LMAN2: variants seen among roughly 807,000 people sequenced by gnomAD.
LMAN2 encodes the protein vesicular integral-membrane protein VIP36.
A neutral mutation model predicts 39.3 loss-of-function variants in LMAN2; 22 were observed. The ratio of observed to expected loss-of-function variants is 0.56; its 90% CI spans 0.40 to 0.80. The LOEUF is 0.80. Ranked by LOEUF, LMAN2 falls within the 30% of genes least tolerant of loss-of-function variation. The pLI is 0.00. For missense variants in LMAN2, 494 were observed against 505.4 expected, an observed-to-expected ratio of 0.98 and a Z score of 0.22; for synonymous variants, 207 against 207.8, an observed-to-expected ratio of 1.00 and a Z score of 0.03.
intron 2 of LMAN2, among the ~76,000 whole-genome samples, chr5:177,339,517 C>T (rs1761522892): frequency 6.6e-6 from 1 of 152,206 alleles, no homozygotes; most frequent in African/African-American, 2.4e-5. Context: ...CAGGAAGTCG[C>T]TTGTGAAAAC....
chr5:177,345,627 C>T (rs1290298438), intron 2 of LMAN2, among the ~76,000 whole-genome samples: 6 of 152,096 alleles, frequency 3.9e-5, no homozygotes, highest in Admixed American at 3.9e-4. Context: ...GAAGACAGGG[C>T]CACAGGCGCT....
chr5:177,334,496 C>T, intron 6 of LMAN2, 93 bp from the exon 7 acceptor site: 1 of 1,506,638 alleles, frequency 6.6e-7, no homozygotes, highest in Non-Finnish European at 8.9e-7. Context: ...GCTGCTGCAG[C>T]CAGTAAACCT....
chr5:177,351,099 G>A (rs773734329), intron 2 of LMAN2, 74 bp downstream of exon 2: 44 of 1,299,646 alleles, frequency 3.4e-5, no homozygotes, highest in Non-Finnish European at 4.5e-5. Flanking sequence ...AACGAAGCTG[G>A]GGTCTCAGCT....
In LMAN2 at chr5:177,337,964, T is replaced by G. The variant is rs951362169; in HGVS notation, c.434-179A>C. On this transcript the variant is annotated intron_variant, in intron 3 of 7. Transcript: ENST00000303127. The surrounding 1 kb of genome is among the most constrained non-coding windows in gnomAD (Gnocchi z 8.2). Reference sequence around the variant, plus strand: ...AGGCTTTCTCCTCAGAAGTGGGGGGTCTAGGCATATGACACAGAGGACTCA... The same window carrying G: ...AGGCTTTCTCCTCAGAAGTGGGGGGGCTAGGCATATGACACAGAGGACTCA... Among the ~76,000 whole-genome samples the G allele has an allele frequency of 6.8e-6, 1 of 146,344 alleles. No individual in the cohort carries two copies. Among genetic ancestry groups the G allele is most frequent in the Admixed American group, 7.0e-5 (1 of 14,306 alleles).
At chr5:177,351,330 C>A in intron 1 of LMAN2, 39 bp from the exon 2 acceptor site, 1 of 1,608,404 alleles carries the variant, frequency 6.2e-7, no homozygotes, top group South Asian at 1.1e-5. Context: ...CACGCCAGGA[C>A]TGGCCTCACC....
intron 2 of LMAN2, among the ~76,000 whole-genome samples, chr5:177,348,457 T>C (rs1455447044): frequency 6.6e-6 from 1 of 151,804 alleles, no homozygotes; most frequent in Non-Finnish European, 1.5e-5. Flanking sequence ...GAGGCCGAGG[T>C]GGGCAGATCA....
Position 177,351,630 on chromosome 5 carries a change from C to G in LMAN2, c.18G>C (p.Trp6Cys). 1 of 1,594,490 alleles carries G rather than the reference C, an allele frequency of 6.3e-7. No individual in the cohort carries two copies. Among genetic ancestry groups the G allele is most frequent in the Non-Finnish European group, 8.5e-7 (1 of 1,172,884 alleles). Residue 6 changes from tryptophan to cysteine, a missense_variant, in exon 1 of 8, where the codon TGG becomes TGC. Trp to Cys is a radical substitution (Grantham distance 215). Transcript: ENST00000303127. The part of the protein sequence containing the change: MAAEG[W>C]IWRWGWGRRC... ...GCCGGCCCCAGCCCCAACGCCAAAT[C>G]CAGCCTTCCGCCGCCATTCTCCTCT...
At chr5:177,339,805 T>C (rs906744666) in intron 2 of LMAN2, among the ~76,000 whole-genome samples, 2 of 152,136 alleles carry the variant, frequency 1.3e-5, no homozygotes, top group Admixed American at 6.5e-5. Flanking sequence ...TAATGTATAA[T>C]AAACATATTA....
chr5:177,345,528 G>A (rs1338384228), intron 2 of LMAN2, among the ~76,000 whole-genome samples: 1 of 151,818 alleles, frequency 6.6e-6, no homozygotes, highest in African/African-American at 2.4e-5. Flanking sequence ...AAGAGAAAAC[G>A]CTAAAACATA....
Position 177,337,692 on chromosome 5 carries a change from G to C in LMAN2, c.513+14C>G, listed in dbSNP as rs1040264839. The C allele has an allele frequency of 1.2e-6, 2 of 1,613,618 alleles. No homozygotes were observed. The highest frequency in any genetic ancestry group is 1.1e-5 in the South Asian group (1 of 91,014). On this transcript the variant is annotated intron_variant, in intron 4 of 7. Transcript: ENST00000303127. This position sits in a 1 kb window ranked among gnomAD's most constrained non-coding sequence, Gnocchi z 8.2. ...CCTTCCTTTCCTGCTCAGCAGGATA[G>C]AGCAGGGGCCTACCTCAGTGGTCTC...
At chr5:177,334,078 C>T (rs1402490425) in intron 7 of LMAN2, among the ~76,000 whole-genome samples, 3 of 152,282 alleles carry the variant, frequency 2.0e-5, no homozygotes, top group African/African-American at 7.2e-5. Context: ...TACTCAAAAA[C>T]TTGCCAGAGC....
In LMAN2 at chr5:177,342,276, T is replaced by C. The variant is rs544731736; in HGVS notation, c.316-3671A>G. The stretch of plus-strand genomic sequence containing the variant: ...GTCCCAGCACCTTGGGAGGCCATCA[T>C]GGGAGGTTTGCTTGAGCCAAGGAGT... On this transcript the variant is annotated intron_variant, in intron 2 of 7. Coordinates refer to ENST00000303127, the MANE Select transcript of LMAN2 (RefSeq NM_006816.3). Among the ~76,000 whole-genome samples, 40 of 152,034 alleles carry C rather than the reference T, an allele frequency of 2.6e-4. 1 individual carries two copies. The South Asian group carries it at 8.1e-3, about 31-fold the overall frequency.
Position 177,351,269 on chromosome 5 carries a change from G to GGGC in LMAN2, c.216_218dup (p.Pro73dup). On this transcript the variant is annotated inframe_insertion, in exon 2 of 8. Coordinates refer to ENST00000303127, the MANE Select transcript of LMAN2 (RefSeq NM_006816.3). ...TAGTGCTGCCCTGGAAGTCCCAGAG[G>GGGC]GGCATAGAGCTGGAACCGACCCCTG... The GGGC allele has an allele frequency of 6.2e-7, 1 of 1,614,070 alleles. No homozygotes were observed. Among genetic ancestry groups the GGGC allele is most frequent in the South Asian group, 1.1e-5 (1 of 91,070 alleles).
Position 177,332,011 on chromosome 5 carries a change from C to T in LMAN2, c.*75G>A. 1 of 1,397,930 alleles carries T rather than the reference C, an allele frequency of 7.2e-7. No homozygotes were observed. The highest frequency in any genetic ancestry group is 1.4e-5 in the South Asian group (1 of 73,680). The allele number at this position is 1,397,930 out of a possible 1,614,324, so 86.6% of individuals were successfully genotyped here. ...TAAGAAATAAGGTCATCTTGTTGTT[C>T]TTTTATAATCCCGGTAAAAAAAAAA... On this transcript the variant is annotated 3_prime_UTR_variant, in exon 8 of 8. Transcript: ENST00000303127. This position sits in a 1 kb window ranked among gnomAD's most constrained non-coding sequence, Gnocchi z 6.3.
intron 2 of LMAN2, among the ~76,000 whole-genome samples, chr5:177,343,635 A>G (rs1418736236): frequency 7.6e-6 from 1 of 131,548 alleles, no homozygotes; most frequent in Non-Finnish European, 1.5e-5. Context: ...GTACTGACAT[A>G]TACTACAGTA....
intron 2 of LMAN2, among the ~76,000 whole-genome samples, chr5:177,349,964 G>T (rs941023147): frequency 1.4e-4 from 22 of 152,342 alleles, no homozygotes; most frequent in African/African-American, 5.1e-4. Context: ...CCTGAGGCAA[G>T]AAGGCAGCCA....
chr5:177,351,054 G>T, intron 2 of LMAN2, 119 bp downstream of exon 2: 1 of 844,466 alleles, frequency 1.2e-6, no homozygotes, highest in Non-Finnish European at 2.0e-6. Flanking sequence ...TGACCGAGAT[G>T]AGGAAAAGGC....
chr5:177,340,587 T>C (rs915846085), intron 2 of LMAN2, among the ~76,000 whole-genome samples: 13 of 152,046 alleles, frequency 8.6e-5, no homozygotes, highest in Non-Finnish European at 1.8e-4. Flanking sequence ...CTGGCCAACA[T>C]GGTGAAACCC....
chr5:177,331,971 T>C lies in LMAN2; in HGVS notation c.*115A>G. On this transcript the variant is annotated 3_prime_UTR_variant, in exon 8 of 8. Coordinates refer to ENST00000303127, the MANE Select transcript of LMAN2 (RefSeq NM_006816.3). ...AAAATGTATGAAAATACTTTAATCA[T>C]TTATTTGAAACAGTTAAGAAATAAG... 8.5e-7 allele frequency: 1 copy of C among 1,179,270 alleles called. No individual in the cohort carries two copies. Among genetic ancestry groups the C allele is most frequent in the Non-Finnish European group, 1.2e-6 (1 of 859,568 alleles). The allele number at this position is 1,179,270 out of a possible 1,614,324, so 73.1% of individuals were successfully genotyped here.
Sources: gnomAD v4.1 joint callset for allele counts (sites outside exome capture counted in the v4.1 genomes callset) on GRCh38, gnomAD v4.1.1 for gene constraint, Gnocchi (gnomAD v3.1) non-coding constraint, MANE v1.5 for transcripts, NCBI Gene and HGNC (gene_info 2026-07-23, HGNC 2026-07-21) for gene names.